Variants in DHCR24 observed in about 807,000 individuals in gnomAD.
The protein encoded by DHCR24 is delta(24)-sterol reductase.
In DHCR24, 28 loss-of-function variants were observed where a neutral mutation model predicts 61.2. That is an observed-to-expected ratio of 0.46 (90% CI 0.34 to 0.63). The LOEUF (loss-of-function observed/expected upper bound fraction) is 0.63, where lower values mean the gene tolerates loss of function less well. Among genes scored for constraint, DHCR24 ranks in the 20% least tolerant of loss-of-function variants. The pLI, the probability that DHCR24 is intolerant of heterozygous loss-of-function variation, is 0.01. For synonymous variants in DHCR24, 261 were observed against 275.9 expected (o/e 0.95, Z 0.54); for missense variants, 538 against 679.1 (o/e 0.79, Z 2.31).
At chr1:54,869,588 T>A (rs78960762) in intron 5 of DHCR24, among the ~76,000 whole-genome samples, 1 of 150,354 alleles carries the variant, frequency 6.7e-6, no homozygotes, top group Non-Finnish European at 1.5e-5. Context: ...CACATACATA[T>A]ACACACACAC....
rs948976768 is a variant in DHCR24 at position 54,851,992 on chromosome 1, A to G, written c.*241T>C. 7.0e-6 allele frequency: 4 copies of G among 568,858 alleles called. No homozygotes were observed. In the African/African-American group the frequency reaches 7.5e-5, roughly 11 times the overall value. 35.2% of individuals were successfully genotyped at this position (568,858 alleles called of 1,614,324 possible). A position where few individuals can be genotyped will look rare whatever the true frequency, so the allele number is the denominator to read the frequency against. ...GGTTAAGGGACTCACCCAGAGTCACACAGCTAATGAGTTCTAAACGGGGAA... is the reference window on the plus strand; with the variant it reads ...GGTTAAGGGACTCACCCAGAGTCACGCAGCTAATGAGTTCTAAACGGGGAA... On this transcript the variant is annotated 3_prime_UTR_variant, in exon 9 of 9. Transcript: ENST00000371269.
Position 54,875,876 on chromosome 1 carries a change from C to G in DHCR24, c.493+66G>C, listed in dbSNP as rs921243603. ...ATTCCAGGACTAGATGGAGGGTGGCCAAGGCCCATCAGCTCCGGTCCTAGG... is the reference window on the plus strand; with the variant it reads ...ATTCCAGGACTAGATGGAGGGTGGCGAAGGCCCATCAGCTCCGGTCCTAGG... On this transcript the variant is annotated intron_variant, in intron 3 of 8. Transcript: ENST00000371269. The G allele has an allele frequency of 2.9e-6, 4 of 1,357,480 alleles. No homozygotes were observed. The South Asian group carries it at 4.7e-5, about 16-fold the overall frequency. The allele number at this position is 1,357,480 out of a possible 1,614,324, so 84.1% of individuals were successfully genotyped here.
At chr1:54,858,413 G>A (rs1646919011) in intron 6 of DHCR24, among the ~76,000 whole-genome samples, 2 of 152,178 alleles carry the variant, frequency 1.3e-5, no homozygotes, top group South Asian at 4.1e-4. Context: ...CCTCTTCCCA[G>A]TCCCACTTCC....
chr1:54,851,016 A>G lies in DHCR24; in HGVS notation c.*1217T>C, dbSNP rs1254087843. The G allele has an allele frequency of 6.6e-6, 1 of 152,588 alleles. No homozygotes were observed. Among genetic ancestry groups the G allele is most frequent in the Non-Finnish European group, 1.5e-5 (1 of 68,032 alleles). 9.5% of individuals were successfully genotyped at this position (152,588 alleles called of 1,614,324 possible). On this transcript the variant is annotated 3_prime_UTR_variant, in exon 9 of 9. Coordinates refer to ENST00000371269, the MANE Select transcript of DHCR24 (RefSeq NM_014762.4). ...TTCAGCTGAGGCTGGGCAGTTCTTAAGATAGAGTTGCATAAACAACCAAGC... is the reference window on the plus strand; with the variant it reads ...TTCAGCTGAGGCTGGGCAGTTCTTAGGATAGAGTTGCATAAACAACCAAGC...
At chr1:54,856,475 C>T (rs1383019641) in intron 6 of DHCR24, among the ~76,000 whole-genome samples, 2 of 152,038 alleles carry the variant, frequency 1.3e-5, no homozygotes, top group Non-Finnish European at 2.9e-5. Flanking sequence ...GTGGCGGGTG[C>T]GTGTAATCCC....
chr1:54,875,283 G>A, intron 3 of DHCR24, 72 bp from the exon 4 acceptor site: 1 of 1,385,692 alleles, frequency 7.2e-7, no homozygotes, highest in Non-Finnish European at 1.0e-6. Flanking sequence ...TTGGAGCTGG[G>A]GGGCCTCCTA....
chr1:54,855,122 C>T lies in DHCR24; in HGVS notation c.1021-888G>A, dbSNP rs184538456. Among the ~76,000 whole-genome samples, 23 of 152,254 alleles carry T rather than the reference C, an allele frequency of 1.5e-4. No individual in the cohort carries two copies. The East Asian group carries it at 3.7e-3, about 24-fold the overall frequency. ...TTCATTAAACAGTTCTGGCCAGGCA[C>T]GGTGGCTCATGCCTGTAATCCCAGC... On this transcript the variant is annotated intron_variant, in intron 6 of 8. Coordinates refer to ENST00000371269, the MANE Select transcript of DHCR24 (RefSeq NM_014762.4).
In DHCR24 at chr1:54,866,231, G is replaced by A. The variant is rs1293357757; in HGVS notation, c.877-785C>T. Among the ~76,000 whole-genome samples the A allele has an allele frequency of 7.9e-5, 12 of 152,252 alleles. No individual in the cohort carries two copies. The South Asian group carries it at 2.5e-3, about 32-fold the overall frequency. On this transcript the variant is annotated intron_variant, in intron 5 of 8. Transcript: ENST00000371269. Reference sequence around the variant, plus strand: ...GGGCAGCTGGGGACACACCCAGGCAGGTCATCTCTGAGCCTGTTTCTTCAC... The same window carrying A: ...GGGCAGCTGGGGACACACCCAGGCAAGTCATCTCTGAGCCTGTTTCTTCAC...
At chr1:54,879,779 T>A (rs1481847633) in intron 2 of DHCR24, among the ~76,000 whole-genome samples, 2 of 151,878 alleles carry the variant, frequency 1.3e-5, no homozygotes, top group Non-Finnish European at 2.9e-5. Context: ...AAAGCAGACA[T>A]CAAAAGGGAA....
In DHCR24 at chr1:54,850,113, C is replaced by T. The variant is rs887755196; in HGVS notation, c.*2120G>A. ...CAAGATTTTACTGGAGCAACATAACCGGAGGGTGTGATTCCAAAATACCTT... is the reference window on the plus strand; with the variant it reads ...CAAGATTTTACTGGAGCAACATAACTGGAGGGTGTGATTCCAAAATACCTT... On this transcript the variant is annotated 3_prime_UTR_variant, in exon 9 of 9. Transcript: ENST00000371269. The T allele has an allele frequency of 2.0e-5, 3 of 152,186 alleles. No homozygotes were observed. Among genetic ancestry groups the T allele is most frequent in the Non-Finnish European group, 2.9e-5 (2 of 68,050 alleles). 9.4% of individuals were successfully genotyped at this position (152,186 alleles called of 1,614,324 possible).
intron 6 of DHCR24, among the ~76,000 whole-genome samples, chr1:54,856,323 T>C (rs1185531617): frequency 6.6e-6 from 1 of 152,110 alleles, no homozygotes; most frequent in African/African-American, 2.4e-5. Context: ...TTGGATCGGG[T>C]GCGGTGGCTC....
In DHCR24 at chr1:54,879,330, A is replaced by G. The variant is rs1480796089; in HGVS notation, c.388-3283T>C. 2.2e-3 allele frequency among the ~76,000 whole-genome samples: 203 copies of G among 91,034 alleles called. 3 individuals carry two copies. Among genetic ancestry groups the G allele is most frequent in the African/African-American group, 9.6e-3 (187 of 19,560 alleles). 59.7% of individuals were successfully genotyped at this position (91,034 alleles called of 152,430 possible). On this transcript the variant is annotated intron_variant, in intron 2 of 8. Coordinates refer to ENST00000371269, the MANE Select transcript of DHCR24 (RefSeq NM_014762.4). ...AGAGCAAGACTCCATCTGAAAAAAAAAAAAAAAAAAAAAAAAAAAAAATCC... is the reference window on the plus strand; with the variant it reads ...AGAGCAAGACTCCATCTGAAAAAAAGAAAAAAAAAAAAAAAAAAAAAATCC...
rs1473677502 is a variant in DHCR24, at chr1:54,849,725, A to G, written c.*2508T>C. 1 of 152,682 alleles carries G rather than the reference A, an allele frequency of 6.5e-6. No homozygotes were observed. The highest frequency in any genetic ancestry group is 1.5e-5 in the Non-Finnish European group (1 of 68,076). 9.5% of individuals were successfully genotyped at this position (152,682 alleles called of 1,614,324 possible). ...TAGACACAGTGCCTGTGGCTGTAAG[A>G]GCCTGACAGGGAAGATTCATGCCTT... On this transcript the variant is annotated 3_prime_UTR_variant, in exon 9 of 9. Coordinates refer to ENST00000371269, the MANE Select transcript of DHCR24 (RefSeq NM_014762.4).
At chr1:54,879,672 C>T (rs1246667654) in intron 2 of DHCR24, among the ~76,000 whole-genome samples, 1 of 151,998 alleles carries the variant, frequency 6.6e-6, no homozygotes, top group Non-Finnish European at 1.5e-5. Flanking sequence ...AAATTCCAAA[C>T]AAGAATTATG....
At chr1:54,879,322 G>GGA (rs1647052099) in intron 2 of DHCR24, among the ~76,000 whole-genome samples, 1 of 108,502 alleles carries the variant, frequency 9.2e-6, no homozygotes, top group African/African-American at 3.9e-5. Flanking sequence ...GACTCCATCT[G>GGA]AAAAAAAAAA....
At chr1:54,855,428 C>T (rs531558029) in intron 6 of DHCR24, among the ~76,000 whole-genome samples, 25 of 151,370 alleles carry the variant, frequency 1.7e-4, no homozygotes, top group African/African-American at 5.6e-4. Flanking sequence ...AAGGGGCCTC[C>T]GAGGTCAGGA....
intron 6 of DHCR24, among the ~76,000 whole-genome samples, chr1:54,864,099 G>C (rs140928156): frequency 5.9e-5 from 9 of 152,306 alleles, no homozygotes; most frequent in African/African-American, 1.9e-4. Context: ...TACATTGCTG[G>C]TGGGAATGAA....
chr1:54,873,951 T>A (rs1647013071), intron 4 of DHCR24, among the ~76,000 whole-genome samples: 1 of 149,372 alleles, frequency 6.7e-6, no homozygotes, highest in African/African-American at 2.4e-5. Context: ...CACCCAGCCT[T>A]GTGTCTAAGT....
chr1:54,883,884 G>A lies in DHCR24; in HGVS notation c.232-111C>T. On this transcript the variant is annotated intron_variant, in intron 1 of 8. Coordinates refer to ENST00000371269, the MANE Select transcript of DHCR24 (RefSeq NM_014762.4). This position sits in a 1 kb window ranked among gnomAD's most constrained non-coding sequence, Gnocchi z 4.3. ...GGAATGATGCCTCCATCAGGCACTG[G>A]AGAAACAGAACAATGAAAAGGCCTG... is the stretch of plus-strand genomic sequence containing the variant. 6.8e-7 allele frequency: 1 copy of A among 1,467,000 alleles called. No homozygotes were observed. Among genetic ancestry groups the A allele is most frequent in the Admixed American group, 1.7e-5 (1 of 57,502 alleles). 90.9% of individuals were successfully genotyped at this position (1,467,000 alleles called of 1,614,324 possible).
Sources: gnomAD v4.1 joint callset for allele counts (sites outside exome capture counted in the v4.1 genomes callset) on GRCh38, gnomAD v4.1.1 for gene constraint, Gnocchi (gnomAD v3.1) non-coding constraint, MANE v1.5 for transcripts, NCBI Gene and HGNC (gene_info 2026-07-23, HGNC 2026-07-21) for gene names.